GALNT11: variants seen among roughly 807,000 people sequenced by gnomAD.
GALNT11 encodes the protein polypeptide N-acetylgalactosaminyltransferase 11.
In GALNT11, 47 loss-of-function variants were observed where a neutral mutation model predicts 72.7. The ratio of observed to expected loss-of-function variants is 0.65; its 90% confidence interval spans 0.51 to 0.82. GALNT11 has a LOEUF of 0.82. GALNT11 is among the 40% of genes least tolerant of loss of function. GALNT11 has a pLI of 0.00. For synonymous variants in GALNT11, 270 were observed against 286.6 expected (o/e 0.94, Z 0.58); for missense variants, 677 against 778.4 (o/e 0.87, Z 1.55).
intron 1 of GALNT11, among the ~76,000 whole-genome samples, chr7:152,038,566 G>T (rs67416877): frequency 0.049 from 7,478 of 152,248 alleles, 305 homozygotes; most frequent in East Asian, 0.2. Context: ...TTTGTTTATG[G>T]CCAGTTTTGG....
intron 1 of GALNT11, among the ~76,000 whole-genome samples, chr7:152,041,948 T>C (rs1234023358): frequency 3.3e-5 from 5 of 152,202 alleles, no homozygotes; most frequent in African/African-American, 4.8e-5. Flanking sequence ...GCAGGAGAAA[T>C]TGAATTTTGC....
intron 1 of GALNT11, among the ~76,000 whole-genome samples, chr7:152,039,583 G>A (rs2082752039): frequency 6.6e-6 from 1 of 151,804 alleles, no homozygotes; most frequent in African/African-American, 2.4e-5. Flanking sequence ...GTCCCCAGGT[G>A]GGTGGCTGTG....
rs200681972 is a variant in GALNT11, at chr7:152,108,264, G to T, written c.939G>T (p.Ala313=). The change falls in exon 6 of 12, where the codon GCG becomes GCT. Residue 313 remains alanine (A), a synonymous_variant. Transcript: ENST00000430044. ...TCCCCCTTTCTGAGCTAGGACGAGC[G>T]GAGGGAGCCACTGCACCAATAAAGT... ...DLVPLSELGR[A]EGATAPIKSP... 6.2e-7 allele frequency: 1 copy of T among 1,612,226 alleles called. No homozygotes were observed. Among genetic ancestry groups the T allele is most frequent in the Non-Finnish European group, 8.5e-7 (1 of 1,178,474 alleles).
Position 152,110,530 on chromosome 7 carries a change from C to A in GALNT11, c.965C>A (p.Ser322Ter). 1.2e-6 allele frequency: 2 copies of A among 1,611,550 alleles called. No homozygotes were observed. The highest frequency in any genetic ancestry group is 2.2e-5 in the South Asian group (2 of 90,348). Residue 322 changes from serine (S) to a stop codon, truncating the protein, a stop_gained and splice_region_variant, in exon 7 of 12, where the codon TCA (serine) becomes TAA (stop). Transcript: ENST00000430044. LOFTEE classifies it high-confidence loss of function. ...TACAGTAATTTTCCTTTTTCTAGGT[C>A]ACCAACAATGGCTGGAGGTTTGTTT... ...RAEGATAPIK[S>*]PTMAGGLFAM...
At chr7:152,102,708 G>A (rs1169157670) in intron 3 of GALNT11, among the ~76,000 whole-genome samples, 1 of 151,898 alleles carries the variant, frequency 6.6e-6, no homozygotes, top group African/African-American at 2.4e-5. Flanking sequence ...CAGGCTGGAC[G>A]TGGTGGTTCA....
At chr7:152,083,846 A>G (rs1247446020) in intron 1 of GALNT11, among the ~76,000 whole-genome samples, 1 of 152,184 alleles carries the variant, frequency 6.6e-6, no homozygotes, top group Non-Finnish European at 1.5e-5. Flanking sequence ...TCTTTCCATT[A>G]GTTCAGGTCT....
chr7:152,025,879 A>C lies in GALNT11; in HGVS notation c.-44A>C, dbSNP rs1325612197. ...AAGGCGGCGATCCTGGGCTGCGGGC[A>C]AGGCGGTGAGTACCCTCTAGGCGGC... On this transcript the variant is annotated 5_prime_UTR_variant, in exon 1 of 12. Coordinates refer to ENST00000430044, the MANE Select transcript of GALNT11 (RefSeq NM_022087.4). 3 of 279,768 alleles carry C rather than the reference A, an allele frequency of 1.1e-5. No homozygotes were observed. In the East Asian group the frequency reaches 4.9e-4, roughly 46 times the overall value. The allele number at this position is 279,768 out of a possible 1,614,324, so 17.3% of individuals were successfully genotyped here.
intron 5 of GALNT11, among the ~76,000 whole-genome samples, chr7:152,106,706 T>G (rs1158427725): frequency 6.6e-6 from 1 of 152,128 alleles, no homozygotes; most frequent in East Asian, 1.9e-4. Flanking sequence ...GCTATTTAGG[T>G]TTTTTTCCCT....
At chr7:152,072,333 GAAAA>G (rs898971051) in intron 1 of GALNT11, among the ~76,000 whole-genome samples, 2 of 146,172 alleles carry the variant, frequency 1.4e-5, no homozygotes, top group Non-Finnish European at 3.0e-5. Flanking sequence ...AAAAAAAAAA[GAAAA>G]AAGAAATTCT....
chr7:152,044,488 G>C (rs569411360), intron 1 of GALNT11, among the ~76,000 whole-genome samples: 18 of 152,316 alleles, frequency 1.2e-4, no homozygotes, highest in African/African-American at 4.1e-4. Flanking sequence ...TTTATGACTA[G>C]ATTTGGGGGC....
chr7:152,069,966 C>A (rs1233413294), intron 1 of GALNT11, among the ~76,000 whole-genome samples: 1 of 150,380 alleles, frequency 6.6e-6, no homozygotes, highest in African/African-American at 2.5e-5. Context: ...GCACTCATTG[C>A]TTTTTTCTTT....
intron 1 of GALNT11, among the ~76,000 whole-genome samples, chr7:152,036,643 T>C (rs2082594100): frequency 6.6e-6 from 1 of 152,226 alleles, no homozygotes; most frequent in Non-Finnish European, 1.5e-5. Flanking sequence ...GCTCTATTTT[T>C]AGTTTTTGGG....
intron 8 of GALNT11, among the ~76,000 whole-genome samples, chr7:152,114,194 G>T (rs2088594960): frequency 6.6e-6 from 1 of 152,060 alleles, no homozygotes; most frequent in Non-Finnish European, 1.5e-5. Context: ...TCTTTGTAAT[G>T]ATTTATTGAA....
intron 1 of GALNT11, among the ~76,000 whole-genome samples, chr7:152,059,423 T>C (rs188279648): frequency 2.6e-5 from 4 of 152,272 alleles, no homozygotes; most frequent in African/African-American, 4.8e-5. Context: ...TAATGGCATC[T>C]AGAATGATAA....
At chr7:152,116,335 C>A (rs2088846373) in intron 8 of GALNT11, among the ~76,000 whole-genome samples, 1 of 152,148 alleles carries the variant, frequency 6.6e-6, no homozygotes, top group African/African-American at 2.4e-5. Flanking sequence ...ACTGCAACCT[C>A]CACCTCCCAG....
intron 1 of GALNT11, among the ~76,000 whole-genome samples, chr7:152,027,907 GGGTTCATGAGCTCACTGACTTCA>G (rs138320417): frequency 0.14 from 21,020 of 152,016 alleles, 3,600 homozygotes; most frequent in African/African-American, 0.4. Flanking sequence ...TCCTCCCAGT[GGGTTCATGAGCTCACTGACTTCA>G]GGAGTCAACC....
At chr7:152,054,762 G>A (rs1030967586) in intron 1 of GALNT11, among the ~76,000 whole-genome samples, 13 of 151,474 alleles carry the variant, frequency 8.6e-5, no homozygotes, top group African/African-American at 1.2e-4. Context: ...CAAGCGATCC[G>A]CCCACCTCAG....
At chr7:152,027,191 G>C (rs546007679) in intron 1 of GALNT11, among the ~76,000 whole-genome samples, 6 of 152,320 alleles carry the variant, frequency 3.9e-5, no homozygotes, top group Admixed American at 1.3e-4. Context: ...AGAGCTTGCA[G>C]TGAGCCGAGA....
chr7:152,091,264 G>A (rs182407340), intron 1 of GALNT11, among the ~76,000 whole-genome samples: 3 of 151,048 alleles, frequency 2.0e-5, no homozygotes, highest in East Asian at 1.9e-4. Context: ...TGTGTGAGTC[G>A]GAGTCTCGCA....
Sources: gnomAD v4.1 joint callset for allele counts (sites outside exome capture counted in the v4.1 genomes callset) on GRCh38, gnomAD v4.1.1 for gene constraint, MANE v1.5 for transcripts, NCBI Gene and HGNC (gene_info 2026-07-23, HGNC 2026-07-21) for gene names.